Variants in RAPGEF4 observed in about 807,000 individuals in gnomAD.
The protein encoded by RAPGEF4 is Rap guanine nucleotide exchange factor 4.
A neutral mutation model predicts 147.9 loss-of-function variants in RAPGEF4; 66 were observed. That is an observed-to-expected ratio of 0.45 (90% CI 0.37 to 0.55). RAPGEF4 has a LOEUF of 0.55. Among genes scored for constraint, RAPGEF4 ranks in the 20% least tolerant of loss-of-function variants. The probability of loss-of-function intolerance (pLI) is 0.00; values close to 1 mark genes in which losing one functional copy is unlikely to be tolerated. For synonymous variants in RAPGEF4, 419 were observed against 442.7 expected, an observed-to-expected ratio of 0.95 and a Z score of 0.67; for missense variants, 1,071 against 1,257.3, an observed-to-expected ratio of 0.85 and a Z score of 2.24.
chr2:172,829,118 C>T (rs1690008441), intron 4 of RAPGEF4, among the ~76,000 whole-genome samples: 1 of 152,290 alleles, frequency 6.6e-6, no homozygotes, highest in East Asian at 1.9e-4. Context: ...GGCTGAGAGG[C>T]CCTGGAGCAA....
At chr2:172,990,645 T>G (rs893724693) in intron 14 of RAPGEF4, among the ~76,000 whole-genome samples, 165 bp from the exon 15 acceptor site, 2 of 152,242 alleles carry the variant, frequency 1.3e-5, no homozygotes, top group African/African-American at 4.8e-5. Context: ...AAACCTCATC[T>G]GGTCCTCTCT....
At chr2:173,048,471 A>T in intron 29 of RAPGEF4, 129 bp from the exon 30 acceptor site, 1 of 1,455,864 alleles carries the variant, frequency 6.9e-7, no homozygotes, top group Non-Finnish European at 9.1e-7. Flanking sequence ...TTGCCTTCAG[A>T]TAGTCAACAT....
At chr2:172,744,449 G>T (rs772467112) in intron 1 of RAPGEF4, 2 of 456,194 alleles carry the variant, frequency 4.4e-6, no homozygotes, top group Non-Finnish European at 4.4e-6. Flanking sequence ...CAAACGTTGC[G>T]TGGTCATCTC....
At chr2:172,912,473 A>G (rs916969384) in intron 4 of RAPGEF4, among the ~76,000 whole-genome samples, 1 of 152,218 alleles carries the variant, frequency 6.6e-6, no homozygotes, top group East Asian at 1.9e-4. Context: ...AGGGTTTTAC[A>G]GTTGCACAGT....
chr2:173,021,653 GGA>G (rs2105924416), intron 23 of RAPGEF4, among the ~76,000 whole-genome samples: 2 of 152,282 alleles, frequency 1.3e-5, no homozygotes, highest in African/African-American at 4.8e-5. Flanking sequence ...CCAATTTTAG[GGA>G]GAGAGTTTAC....
chr2:172,897,405 T>G (rs1352288086), intron 4 of RAPGEF4, among the ~76,000 whole-genome samples: 3 of 151,738 alleles, frequency 2.0e-5, no homozygotes, highest in African/African-American at 7.3e-5. Context: ...AAAATATATA[T>G]ATATAGAGAG....
chr2:172,761,228 C>T (rs142233758), intron 1 of RAPGEF4, among the ~76,000 whole-genome samples: 1,924 of 151,514 alleles, frequency 0.013, 22 homozygotes, highest in South Asian at 0.043. Flanking sequence ...TGGGTTCAAG[C>T]GATTCTCCTG....
rs144999028 is a variant in RAPGEF4, at chr2:172,889,228, T to TGGG, written c.445-28572_445-28571insGGG. On this transcript the variant is annotated intron_variant, in intron 4 of 30. Transcript: ENST00000397081. Reference sequence around the variant, plus strand: ...CATTTTTTTTTCCTTACTAAAGAGCTGGAAGAGATCACATGACACTGTCGC... The same window carrying TGGG: ...CATTTTTTTTTCCTTACTAAAGAGCTGGGGGAAGAGATCACATGACACTGTCGC... 2.4e-3 allele frequency among the ~76,000 whole-genome samples: 366 copies of TGGG among 152,206 alleles called. 3 individuals are homozygous for TGGG. Among genetic ancestry groups the TGGG allele is most frequent in the African/African-American group, 8.6e-3 (359 of 41,538 alleles).
chr2:172,848,523 G>C lies in RAPGEF4; in HGVS notation c.444+34098G>C, dbSNP rs538906288. ...TGTTACTGTGTCATCTGCATATTTTGAAAGATACCACTTTAATGAAACACT... is the reference window on the plus strand; with the variant it reads ...TGTTACTGTGTCATCTGCATATTTTCAAAGATACCACTTTAATGAAACACT... On this transcript the variant is annotated intron_variant, in intron 4 of 30. Coordinates refer to ENST00000397081, the MANE Select transcript of RAPGEF4 (RefSeq NM_007023.4). Among the ~76,000 whole-genome samples the C allele has an allele frequency of 8.3e-4, 126 of 152,244 alleles. No individual in the cohort carries two copies. In the Middle Eastern group the frequency reaches 0.014, roughly 16 times the overall value.
At chr2:172,914,618 G>C (rs1319641309) in intron 4 of RAPGEF4, among the ~76,000 whole-genome samples, 2 of 139,404 alleles carry the variant, frequency 1.4e-5, no homozygotes, top group Non-Finnish European at 3.3e-5. Flanking sequence ...AAGAGAAAGA[G>C]AGAGAAAGAG....
intron 23 of RAPGEF4, among the ~76,000 whole-genome samples, chr2:173,023,640 A>ACT (rs1696334655): frequency 1.3e-5 from 2 of 152,186 alleles, no homozygotes; most frequent in African/African-American, 4.8e-5. Flanking sequence ...GCTTTCCGTT[A>ACT]CTCTCAAAAG....
At chr2:172,966,701 A>G (rs1283854362) in intron 9 of RAPGEF4, among the ~76,000 whole-genome samples, 1 of 152,244 alleles carries the variant, frequency 6.6e-6, no homozygotes, top group Non-Finnish European at 1.5e-5. Context: ...AAATTACCAC[A>G]AAATCCTTCT....
intron 4 of RAPGEF4, among the ~76,000 whole-genome samples, chr2:172,869,639 T>C (rs1694999632): frequency 6.6e-6 from 1 of 152,218 alleles, no homozygotes; most frequent in South Asian, 2.1e-4. Flanking sequence ...ATTTTTATTA[T>C]GCACAACCAT....
At chr2:172,881,661 T>A (rs1575123551) in intron 4 of RAPGEF4, among the ~76,000 whole-genome samples, 1 of 152,182 alleles carries the variant, frequency 6.6e-6, no homozygotes, top group Non-Finnish European at 1.5e-5. Flanking sequence ...GAAAATAAGA[T>A]GGGCACTCAG....
intron 1 of RAPGEF4, among the ~76,000 whole-genome samples, chr2:172,791,483 G>C (rs952461735): frequency 1.3e-5 from 2 of 152,128 alleles, no homozygotes; most frequent in Non-Finnish European, 2.9e-5. Flanking sequence ...ATTCACAAAA[G>C]GATTATCACT....
intron 21 of RAPGEF4, 150 bp downstream of exon 21, chr2:173,017,654 G>C (rs570595697): frequency 4.4e-6 from 3 of 684,170 alleles, no homozygotes; most frequent in Non-Finnish European, 7.3e-6. Context: ...TTGGTGGCCC[G>C]ATTATTTATG....
chr2:173,020,724 G>A lies in RAPGEF4; in HGVS notation c.2253+9G>A, dbSNP rs1365180664. The A allele has an allele frequency of 1.9e-6, 3 of 1,607,910 alleles. No individual in the cohort carries two copies. Among genetic ancestry groups the A allele is most frequent in the Non-Finnish European group, 1.7e-6 (2 of 1,174,870 alleles). On this transcript the variant is annotated intron_variant, in intron 23 of 30. Coordinates refer to ENST00000397081, the MANE Select transcript of RAPGEF4 (RefSeq NM_007023.4). ...AGCAATTCGATTCACTGGTAGGTGTGGATGGCCTGCTCAGAGCAGCATTGC... is the reference window on the plus strand; with the variant it reads ...AGCAATTCGATTCACTGGTAGGTGTAGATGGCCTGCTCAGAGCAGCATTGC...
chr2:172,786,316 T>C (rs922613761), intron 1 of RAPGEF4, among the ~76,000 whole-genome samples: 58 of 152,144 alleles, frequency 3.8e-4, no homozygotes, highest in African/African-American at 1.4e-3. Context: ...CAGTCCTTAT[T>C]ATACTATATT....
intron 27 of RAPGEF4, among the ~76,000 whole-genome samples, chr2:173,034,873 A>AACAC (rs34646146): frequency 0.011 from 1,549 of 140,932 alleles, 24 homozygotes; most frequent in African/African-American, 0.037. Flanking sequence ...ACCCCGTCTC[A>AACAC]ACACACACAC....
Sources: allele counts gnomAD v4.1 joint callset (sites outside exome capture counted in the v4.1 genomes callset), GRCh38; gene constraint gnomAD v4.1.1; transcripts MANE v1.5; gene names NCBI Gene and HGNC (gene_info 2026-07-23, HGNC 2026-07-21).